Variants in COPS7B observed in about 807,000 individuals in gnomAD.
The protein encoded by COPS7B is COP9 signalosome subunit 7B.
COPS7B carries 9 observed loss-of-function variants against 33.4 expected under a neutral mutation model. The observed-to-expected ratio is 0.27, with a 90% confidence interval of 0.16 to 0.47. COPS7B has a LOEUF of 0.47. COPS7B is among the 20% of genes least tolerant of loss of function. The probability of loss-of-function intolerance (pLI) is 0.99; values close to 1 mark genes in which losing one functional copy is unlikely to be tolerated. For synonymous variants in COPS7B, 119 were observed against 126.3 expected, an observed-to-expected ratio of 0.94 and a Z score of 0.39; for missense variants, 242 against 318.2, an observed-to-expected ratio of 0.76 and a Z score of 1.82.
At chr2:231,788,417 T>C (rs1018699668) in intron 1 of COPS7B, 138 bp from the exon 2 acceptor site, 8 of 762,172 alleles carry the variant, frequency 1.0e-5, no homozygotes, top group African/African-American at 1.8e-5. Context: ...ATTACAGGCA[T>C]GAGCCACTGC....
At chr2:231,792,219 C>T (rs1223926557) in intron 3 of COPS7B, 8 of 397,124 alleles carry the variant, frequency 2.0e-5, no homozygotes, top group East Asian at 7.4e-5. Flanking sequence ...AGGCTGGGCG[C>T]GGTGGCTCAT....
intron 1 of COPS7B, among the ~76,000 whole-genome samples, chr2:231,788,171 C>T (rs1172309101): frequency 2.2e-5 from 3 of 138,868 alleles, no homozygotes; most frequent in Non-Finnish European, 3.0e-5. Context: ...CAGTCTCGCT[C>T]TGTTGCCCAG....
Position 231,807,888 on chromosome 2 carries a change from G to C in COPS7B, c.*243G>C, listed in dbSNP as rs2049942210. ...CCAATGCCATCCCAAAACAGGGTCA[G>C]ACACTGCCCAGCTTCCCTCCAGGAG... On this transcript the variant is annotated 3_prime_UTR_variant, in exon 7 of 7. Transcript: ENST00000350033. The C allele has an allele frequency of 2.3e-6, 1 of 432,128 alleles. No individual in the cohort carries two copies. Among genetic ancestry groups the C allele is most frequent in the Admixed American group, 4.0e-5 (1 of 25,012 alleles). 26.8% of individuals were successfully genotyped at this position (432,128 alleles called of 1,614,324 possible). A position where few individuals can be genotyped will look rare whatever the true frequency, so the allele number is the denominator to read the frequency against.
Position 231,807,935 on chromosome 2 carries a change from C to A in COPS7B, c.*290C>A. ...GGAGGTTCTTGTCTCTGTGTAAGGG[C>A]TTGTCTCCCTCCCAGTTTTTCTTTT... On this transcript the variant is annotated 3_prime_UTR_variant, in exon 7 of 7. Coordinates refer to ENST00000350033, the MANE Select transcript of COPS7B (RefSeq NM_022730.4). 3.4e-6 allele frequency: 1 copy of A among 290,688 alleles called. No individual in the cohort carries two copies. Among genetic ancestry groups the A allele is most frequent in the African/African-American group, 2.2e-5 (1 of 45,778 alleles). The allele number at this position is 290,688 out of a possible 1,614,324, so 18.0% of individuals were successfully genotyped here.
upstream of COPS7B, among the ~76,000 whole-genome samples, chr2:231,784,338 C>T (rs975169566): frequency 4.6e-5 from 7 of 151,698 alleles, no homozygotes; most frequent in Admixed American, 3.3e-4. Context: ...ATAAATTTGC[C>T]GGGTGTGGTG....
chr2:231,804,761 C>G (rs1307153126), intron 6 of COPS7B, among the ~76,000 whole-genome samples: 2 of 152,038 alleles, frequency 1.3e-5, no homozygotes, highest in African/African-American at 4.8e-5. Flanking sequence ...TGTTTGTTTT[C>G]TAATGTCTTA....
In COPS7B at chr2:231,809,190, CT is replaced by C. The variant is rs1345277453; in HGVS notation, c.*1546del. The stretch of plus-strand genomic sequence containing the variant: ...TCCAAAGTATGTTTCATGCAGCCCC[CT>C]GTCAGCTGCTCTGTGGAAAAGGGGT... On this transcript the variant is annotated 3_prime_UTR_variant, in exon 7 of 7. Coordinates refer to ENST00000350033, the MANE Select transcript of COPS7B (RefSeq NM_022730.4). 6.6e-6 allele frequency: 1 copy of C among 152,366 alleles called. No individual in the cohort carries two copies. The highest frequency in any genetic ancestry group is 2.4e-5 in the African/African-American group (1 of 41,438). 9.4% of individuals were successfully genotyped at this position (152,366 alleles called of 1,614,324 possible). A position where few individuals can be genotyped will look rare whatever the true frequency, so the allele number is the denominator to read the frequency against.
At chr2:231,783,259 T>C (rs1323206286), upstream of COPS7B, among the ~76,000 whole-genome samples, 3 of 152,228 alleles carry the variant, frequency 2.0e-5, no homozygotes, top group African/African-American at 7.2e-5. Flanking sequence ...TACATGTTTC[T>C]TTTTGTAGAC....
intron 3 of COPS7B, 39 bp downstream of exon 3, chr2:231,791,847 T>G (rs760601617): frequency 6.4e-7 from 1 of 1,553,440 alleles, no homozygotes; most frequent in East Asian, 2.2e-5. Flanking sequence ...TTGTGTTAAT[T>G]ATGTTGCTCA....
upstream of COPS7B, among the ~76,000 whole-genome samples, chr2:231,784,655 A>G (rs1159114497): frequency 6.6e-6 from 1 of 152,134 alleles, no homozygotes; most frequent in Non-Finnish European, 1.5e-5. Flanking sequence ...TTCACTTAAC[A>G]CTAGCTCTAG....
intron 3 of COPS7B, among the ~76,000 whole-genome samples, chr2:231,792,543 T>G (rs2049448021): frequency 6.6e-6 from 1 of 152,236 alleles, no homozygotes; most frequent in Admixed American, 6.5e-5. Flanking sequence ...GACATTTGGA[T>G]GCTGGACTTT....
At chr2:231,794,546 T>C (rs964600160) in intron 4 of COPS7B, among the ~76,000 whole-genome samples, 195 bp downstream of exon 4, 2 of 152,150 alleles carry the variant, frequency 1.3e-5, no homozygotes, top group African/African-American at 4.8e-5. Flanking sequence ...CCAGAAGTGA[T>C]TGACTCAGCA....
At position 231,807,736 on chromosome 2, in the gene COPS7B, A is replaced by G; in HGVS notation, c.*91A>G. 1 of 1,243,872 alleles carries G rather than the reference A, an allele frequency of 8.0e-7. No individual in the cohort carries two copies. 77.1% of individuals were successfully genotyped at this position (1,243,872 alleles called of 1,614,324 possible). On this transcript the variant is annotated 3_prime_UTR_variant, in exon 7 of 7. Transcript: ENST00000350033. ...TTTCCTCCCCTCTCTACCTGCAGTG[A>G]GTTCCAGACCTGCCCGTCCCCTCAC...
At chr2:231,785,899 G>A (rs1294652633), upstream of COPS7B, among the ~76,000 whole-genome samples, 1 of 152,222 alleles carries the variant, frequency 6.6e-6, no homozygotes, top group Non-Finnish European at 1.5e-5. Flanking sequence ...CTGAATAGAG[G>A]TCAAGAACAT....
intron 1 of COPS7B, 25 bp downstream of exon 1, chr2:231,786,563 C>T (rs1349325826): frequency 2.1e-6 from 2 of 962,538 alleles, no homozygotes; most frequent in Admixed American, 6.2e-5. Context: ...GAGGGTGGGC[C>T]GAGCGGGGCC....
At chr2:231,794,825 A>C (rs2049518183) in intron 4 of COPS7B, among the ~76,000 whole-genome samples, 1 of 152,032 alleles carries the variant, frequency 6.6e-6, no homozygotes, top group East Asian at 1.9e-4. Context: ...GTGTGATCTC[A>C]GCTCACTGCA....
chr2:231,791,493 G>T, intron 2 of COPS7B: 1 of 516,208 alleles, frequency 1.9e-6, no homozygotes, highest in African/African-American at 1.9e-5. Context: ...AGTTCGTTGG[G>T]CATGCTGTAT....
intron 5 of COPS7B, among the ~76,000 whole-genome samples, chr2:231,796,817 C>A (rs1407350888): frequency 6.6e-6 from 1 of 152,200 alleles, no homozygotes; most frequent in Non-Finnish European, 1.5e-5. Flanking sequence ...CCGTGAGGGA[C>A]ATGGAAGACA....
At chr2:231,802,180 T>C (rs1175348278) in intron 6 of COPS7B, among the ~76,000 whole-genome samples, 1 of 152,156 alleles carries the variant, frequency 6.6e-6, no homozygotes, top group Non-Finnish European at 1.5e-5. Flanking sequence ...GTCATGGAGG[T>C]CGTAAAGTGT....
Sources: gnomAD v4.1 joint callset for allele counts (sites outside exome capture counted in the v4.1 genomes callset) on GRCh38, gnomAD v4.1.1 for gene constraint, MANE v1.5 for transcripts, NCBI Gene and HGNC (gene_info 2026-07-23, HGNC 2026-07-21) for gene names.